ANKRD44: variants seen among roughly 807,000 people sequenced by gnomAD.
ANKRD44 encodes ankyrin repeat domain 44, also known as serine/threonine-protein phosphatase 6 regulatory ankyrin repeat subunit B.
In ANKRD44, 35 loss-of-function variants were observed where a neutral mutation model predicts 116.0. The observed-to-expected ratio is 0.30, with a 90% CI of 0.23 to 0.40. ANKRD44 has a LOEUF of 0.40. ANKRD44 is among the 10% of genes least tolerant of loss of function. The pLI is 1.00. For missense variants in ANKRD44, 1,014 were observed against 1,242.6 expected, an observed-to-expected ratio of 0.82 and a Z score of 2.77; for synonymous variants, 435 against 461.8, an observed-to-expected ratio of 0.94 and a Z score of 0.74.
intron 1 of ANKRD44, among the ~76,000 whole-genome samples, chr2:197,281,692 G>A (rs373299919): frequency 4.6e-5 from 7 of 152,238 alleles, no homozygotes; most frequent in East Asian, 1.9e-4. Context: ...ATAAGGTGAC[G>A]TTTACTGCAT....
At chr2:197,172,150 A>G (rs11887139) in intron 2 of ANKRD44, among the ~76,000 whole-genome samples, 8,701 of 151,924 alleles carry the variant, frequency 0.057, 820 homozygotes, top group African/African-American at 0.2. Flanking sequence ...ACAGGTGCCC[A>G]CCACCACACT....
chr2:197,207,336 A>G (rs2081230824), intron 1 of ANKRD44, among the ~76,000 whole-genome samples: 1 of 152,240 alleles, frequency 6.6e-6, no homozygotes, highest in South Asian at 2.1e-4. Context: ...AATCACAGCC[A>G]CAACATTCTT....
intron 1 of ANKRD44, among the ~76,000 whole-genome samples, chr2:197,280,707 C>T (rs1267435633): frequency 6.6e-6 from 1 of 152,148 alleles, no homozygotes; most frequent in Non-Finnish European, 1.5e-5. Context: ...TGTAAAAGCC[C>T]ATCAAAGAGT....
chr2:197,112,662 C>T (rs1425801037), intron 8 of ANKRD44, among the ~76,000 whole-genome samples: 4 of 145,314 alleles, frequency 2.8e-5, no homozygotes, highest in Non-Finnish European at 6.0e-5. Flanking sequence ...GAGCCGAAAT[C>T]GTGCCACTGC....
At chr2:196,968,842 C>T (rs1020031394) in intron 21 of ANKRD44, among the ~76,000 whole-genome samples, 15 of 152,188 alleles carry the variant, frequency 9.9e-5, no homozygotes, top group African/African-American at 2.7e-4. Flanking sequence ...TGAGCTTTCA[C>T]GCAGGCCCCC....
In ANKRD44 at chr2:197,195,421, C is replaced by T. The variant is rs1022451850; in HGVS notation, c.28-8315G>A. On this transcript the variant is annotated intron_variant, in intron 1 of 27. Transcript: ENST00000282272. The stretch of plus-strand genomic sequence containing the variant: ...TGGAGTTAGAGGCCCAGTTAGAAGG[C>T]TGTTGCTACAATCCAAGCCATCACA... 2.1e-4 allele frequency among the ~76,000 whole-genome samples: 32 copies of T among 152,166 alleles called. 1 individual carries two copies. The highest frequency in any genetic ancestry group is 6.5e-5 in the Admixed American group (1 of 15,278).
At chr2:197,221,864 C>T (rs899849377) in intron 1 of ANKRD44, among the ~76,000 whole-genome samples, 1 of 152,194 alleles carries the variant, frequency 6.6e-6, no homozygotes, top group African/African-American at 2.4e-5. Flanking sequence ...AACCTGGAGT[C>T]ACAGAAAGCA....
intron 1 of ANKRD44, among the ~76,000 whole-genome samples, chr2:197,228,901 G>C (rs1198139320): frequency 6.6e-6 from 1 of 152,190 alleles, no homozygotes; most frequent in African/African-American, 2.4e-5. Context: ...TAGGCATGGT[G>C]GTGCATGCCT....
At chr2:196,982,086 C>A (rs1461894962), downstream of ANKRD44, among the ~76,000 whole-genome samples, 2 of 55,398 alleles carry the variant, frequency 3.6e-5, no homozygotes, top group African/African-American at 5.3e-5. Context: ...AATCTCTTCT[C>A]ATTTGTCAAT....
intron 1 of ANKRD44, among the ~76,000 whole-genome samples, chr2:197,274,495 G>T (rs2083016283): frequency 6.6e-6 from 1 of 152,166 alleles, no homozygotes; most frequent in African/African-American, 2.4e-5. Flanking sequence ...GTGACAACCT[G>T]CCTGTAACTG....
intron 2 of ANKRD44, among the ~76,000 whole-genome samples, chr2:197,169,609 G>A (rs968704991): frequency 6.6e-6 from 1 of 152,098 alleles, no homozygotes; most frequent in Non-Finnish European, 1.5e-5. Flanking sequence ...GTTGACCACG[G>A]ACCAATGGTT....
chr2:197,310,516 C>G (rs1325539235), intron 1 of ANKRD44, 62 bp downstream of exon 1: 11 of 1,002,312 alleles, frequency 1.1e-5, no homozygotes, highest in Non-Finnish European at 1.3e-5. Context: ...CCCCATCCCC[C>G]CGCCGGGCTC....
At chr2:197,098,040 C>A (rs1263060334) in intron 10 of ANKRD44, among the ~76,000 whole-genome samples, 4 of 152,180 alleles carry the variant, frequency 2.6e-5, no homozygotes, top group African/African-American at 9.7e-5. Flanking sequence ...TCTCCCATTT[C>A]TCTTTCTACC....
chr2:197,143,148 T>A (rs1241604128), intron 3 of ANKRD44, among the ~76,000 whole-genome samples: 1 of 8,764 alleles, frequency 1.1e-4, no homozygotes, highest in African/African-American at 2.5e-4. Flanking sequence ...CTCTGTAGGA[T>A]CTTTTTTTTT....
At chr2:197,280,230 G>T (rs1574432446) in intron 1 of ANKRD44, among the ~76,000 whole-genome samples, 1 of 152,262 alleles carries the variant, frequency 6.6e-6, no homozygotes, top group Non-Finnish European at 1.5e-5. Context: ...ACAGGAAATA[G>T]GCAACAGGAG....
At chr2:197,057,328 C>T (rs139124597) in intron 16 of ANKRD44, among the ~76,000 whole-genome samples, 1 of 152,226 alleles carries the variant, frequency 6.6e-6, no homozygotes, top group African/African-American at 2.4e-5. Context: ...TCCCACTTAG[C>T]TGTTACGTAT....
intron 17 of ANKRD44, chr2:197,015,091 G>A (rs2076366586): frequency 4.0e-6 from 1 of 249,640 alleles, no homozygotes; most frequent in Non-Finnish European, 8.1e-6. Context: ...CAGGTTGTGT[G>A]GTAATAAAAG....
intron 9 of ANKRD44, among the ~76,000 whole-genome samples, chr2:197,105,139 C>T (rs926706904): frequency 6.6e-6 from 1 of 151,668 alleles, no homozygotes; most frequent in Non-Finnish European, 1.5e-5. Context: ...TTGAGATGGA[C>T]TCTCGCTTTT....
At chr2:197,196,814 C>T (rs2080960661) in intron 1 of ANKRD44, among the ~76,000 whole-genome samples, 3 of 152,172 alleles carry the variant, frequency 2.0e-5, no homozygotes, top group African/African-American at 7.2e-5. Context: ...TTCCTTTAAA[C>T]CCTCTCCTTC....
Sources: gnomAD v4.1 joint callset for allele counts (sites outside exome capture counted in the v4.1 genomes callset) on GRCh38, gnomAD v4.1.1 for gene constraint, MANE v1.5 for transcripts, NCBI Gene and HGNC (gene_info 2026-07-23, HGNC 2026-07-21) for gene names.